Variants in SGCZ observed in about 807,000 individuals in gnomAD.
The protein encoded by SGCZ is sarcoglycan zeta, also known as zeta-sarcoglycan.
In SGCZ, 40 loss-of-function variants were observed where a neutral mutation model predicts 41.3. The observed-to-expected ratio is 0.97, with a 90% confidence interval of 0.75 to 1.26. The LOEUF (loss-of-function observed/expected upper bound fraction) is 1.26, where lower values mean the gene tolerates loss of function less well. SGCZ is among the 50% of genes most tolerant of loss of function. The pLI, the probability that SGCZ is intolerant of heterozygous loss-of-function variation, is 0.00. For missense variants in SGCZ, 552 were observed against 369.8 expected (o/e 1.49, Z -4.04); for synonymous variants, 206 against 137.5 (o/e 1.50, Z -3.49).
intron 1 of SGCZ, among the ~76,000 whole-genome samples, chr8:15,075,268 C>T (rs1462409546): frequency 6.6e-6 from 1 of 151,778 alleles, no homozygotes; most frequent in African/African-American, 2.4e-5. Context: ...GGGTTAGGTA[C>T]TTCTAGACTA....
At chr8:14,559,449 A>C (rs961000324) in intron 1 of SGCZ, among the ~76,000 whole-genome samples, 1 of 152,174 alleles carries the variant, frequency 6.6e-6, no homozygotes. Context: ...CTTTACAAGA[A>C]AAACTACAAA....
At chr8:14,940,790 C>G (rs1007601803) in intron 1 of SGCZ, among the ~76,000 whole-genome samples, 2 of 151,866 alleles carry the variant, frequency 1.3e-5, no homozygotes, top group African/African-American at 4.8e-5. Context: ...TGGTCAAAGA[C>G]ACTTTAAATG....
At chr8:14,377,595 T>C (rs941229612) in intron 2 of SGCZ, among the ~76,000 whole-genome samples, 16 of 152,000 alleles carry the variant, frequency 1.1e-4, no homozygotes, top group Non-Finnish European at 2.2e-4. Flanking sequence ...TAGTTACATA[T>C]GTATACATGT....
At chr8:14,528,827 C>CAAAA (rs760788606) in intron 2 of SGCZ, among the ~76,000 whole-genome samples, 915 of 52,352 alleles carry the variant, frequency 0.017, 26 homozygotes, top group African/African-American at 0.096. Context: ...ACGGACCAGC[C>CAAAA]AAAAAAAAAA....
At chr8:14,432,179 G>C (rs1038613731) in intron 2 of SGCZ, among the ~76,000 whole-genome samples, 1 of 152,070 alleles carries the variant, frequency 6.6e-6, no homozygotes, top group Non-Finnish European at 1.5e-5. Flanking sequence ...CCCACTACTG[G>C]GTATCTACCC....
At chr8:15,111,885 C>T (rs1316432503) in intron 1 of SGCZ, among the ~76,000 whole-genome samples, 1 of 144,124 alleles carries the variant, frequency 6.9e-6, no homozygotes, top group African/African-American at 2.7e-5. Flanking sequence ...GGCAACAGAG[C>T]GAGACTCCGT....
At chr8:14,795,435 T>C (rs2130482811) in intron 1 of SGCZ, among the ~76,000 whole-genome samples, 1 of 152,202 alleles carries the variant, frequency 6.6e-6, no homozygotes, top group South Asian at 2.1e-4. Flanking sequence ...GGGGTTTTTT[T>C]TTCATTTGTT....
At chr8:14,289,675 T>C (rs1257489718) in intron 3 of SGCZ, among the ~76,000 whole-genome samples, 2 of 151,932 alleles carry the variant, frequency 1.3e-5, no homozygotes, top group African/African-American at 4.8e-5. Context: ...TATAGCCAAC[T>C]GATATTGGCA....
Position 14,554,935 on chromosome 8 carries a change from G to T in SGCZ, c.40-9C>A, listed in dbSNP as rs747932350. 7.2e-7 allele frequency: 1 copy of T among 1,384,948 alleles called. No individual in the cohort carries two copies. Among genetic ancestry groups the T allele is most frequent in the Non-Finnish European group, 9.4e-7 (1 of 1,060,158 alleles). The allele number at this position is 1,384,948 out of a possible 1,614,324, so 85.8% of individuals were successfully genotyped here. A position where few individuals can be genotyped will look rare whatever the true frequency, so the allele number is the denominator to read the frequency against. On this transcript the variant is annotated splice_polypyrimidine_tract_variant and intron_variant, in intron 1 of 7. Transcript: ENST00000382080. ...TATTGTTCTCGTGTCATCTGAAAAAGAAAAAAGAAAGAAAGAGAAAGAAGG... is the reference window on the plus strand; with the variant it reads ...TATTGTTCTCGTGTCATCTGAAAAATAAAAAAGAAAGAAAGAGAAAGAAGG...
At chr8:14,412,275 C>G (rs571567476) in intron 2 of SGCZ, among the ~76,000 whole-genome samples, 7 of 151,952 alleles carry the variant, frequency 4.6e-5, no homozygotes, top group African/African-American at 1.7e-4. Flanking sequence ...ATATTTTAGA[C>G]CCTAAGGTAT....
chr8:15,140,436 A>T (rs987320684), intron 1 of SGCZ, among the ~76,000 whole-genome samples: 83 of 152,272 alleles, frequency 5.5e-4, no homozygotes, highest in African/African-American at 1.9e-3. Context: ...ATTTCTTTTC[A>T]GAGAGTCAAT....
At chr8:14,453,585 A>T (rs1214118974) in intron 2 of SGCZ, among the ~76,000 whole-genome samples, 1 of 152,222 alleles carries the variant, frequency 6.6e-6, no homozygotes, top group African/African-American at 2.4e-5. Flanking sequence ...CAGTAAGAAA[A>T]TGATTGAAGG....
rs577221741 is a variant in SGCZ at position 15,207,068 on chromosome 8, A to G, written c.39+30517T>C. ...AGGGATGTGGGGCTTGAAAAGGCAG[A>G]CACTGAAAAGGCAGTTGCTAGGTTC... is the stretch of plus-strand genomic sequence containing the variant. On this transcript the variant is annotated intron_variant, in intron 1 of 7. Transcript: ENST00000382080. Among the ~76,000 whole-genome samples the G allele has an allele frequency of 1.1e-4, 16 of 152,334 alleles. No homozygotes were observed. In the South Asian group the frequency reaches 3.3e-3, roughly 32 times the overall value.
intron 1 of SGCZ, among the ~76,000 whole-genome samples, chr8:15,150,603 A>G (rs921051716): frequency 6.6e-6 from 1 of 152,184 alleles, no homozygotes; most frequent in African/African-American, 2.4e-5. Flanking sequence ...CTTGAACTGA[A>G]CAAGTATGTT....
intron 1 of SGCZ, among the ~76,000 whole-genome samples, chr8:14,959,454 T>A (rs1374165013): frequency 6.6e-6 from 1 of 152,164 alleles, no homozygotes; most frequent in Non-Finnish European, 1.5e-5. Flanking sequence ...GTAAATACAA[T>A]GTTGCTTATA....
intron 1 of SGCZ, among the ~76,000 whole-genome samples, chr8:15,214,837 T>G (rs1038640820): frequency 2.0e-5 from 3 of 152,158 alleles, no homozygotes; most frequent in Non-Finnish European, 4.4e-5. Context: ...TTAGAGATGT[T>G]ACCAGAGCAA....
chr8:14,741,169 A>C (rs1799188094), intron 1 of SGCZ, among the ~76,000 whole-genome samples: 1 of 152,058 alleles, frequency 6.6e-6, no homozygotes, highest in Non-Finnish European at 1.5e-5. Context: ...TTGATTCTTA[A>C]TTGCTTTCTT....
intron 1 of SGCZ, among the ~76,000 whole-genome samples, chr8:14,997,030 T>A (rs1385441837): frequency 6.6e-6 from 1 of 152,244 alleles, no homozygotes; most frequent in Non-Finnish European, 1.5e-5. Flanking sequence ...TTTCTCCTTT[T>A]TGAAGGCTCT....
At chr8:14,205,242 C>T (rs998147654) in intron 4 of SGCZ, among the ~76,000 whole-genome samples, 7 of 151,612 alleles carry the variant, frequency 4.6e-5, no homozygotes, top group Non-Finnish European at 8.8e-5. Context: ...GTCAAAGATT[C>T]TCTGGAGACA....
Sources: allele counts gnomAD v4.1 joint callset (sites outside exome capture counted in the v4.1 genomes callset), GRCh38; gene constraint gnomAD v4.1.1; transcripts MANE v1.5; gene names NCBI Gene and HGNC (gene_info 2026-07-23, HGNC 2026-07-21).